Variants in DCAF8L2 observed in about 807,000 individuals in gnomAD.
DCAF8L2 encodes the protein DDB1 and CUL4 associated factor 8 like 2, also known as DDB1- and CUL4-associated factor 8-like protein 2.
For missense variants in DCAF8L2, 430 were observed against 490.7 expected (o/e 0.88, Z 1.17); for synonymous variants, 200 against 190.9 (o/e 1.05, Z -0.39).
chrX:27,523,838 A>C, the DCAF8L2 span, among the ~76,000 whole-genome samples: 21 of 110,307 alleles, frequency 1.9e-4, no homozygotes, highest in Admixed American at 1.4e-3. Context: ...TCATTGTTCA[A>C]TTCCCACCTA....
At chrX:27,475,772 C>T in the DCAF8L2 span, among the ~76,000 whole-genome samples, 6 of 111,966 alleles carry the variant, frequency 5.4e-5, no homozygotes, top group Non-Finnish European at 1.1e-4. Flanking sequence ...TGTTTAAATG[C>T]AAACCAACAC....
At chrX:27,514,689 A>C in the DCAF8L2 span, among the ~76,000 whole-genome samples, 1 of 77,880 alleles carries the variant, frequency 1.3e-5, no homozygotes, top group Admixed American at 1.3e-4. Context: ...AAAAAAAAAA[A>C]AAAAAACAAA....
chrX:27,720,351 C>T (rs1931851150), intron 4 of DCAF8L2, among the ~76,000 whole-genome samples: 1 of 110,639 alleles, frequency 9.0e-6, no homozygotes, highest in African/African-American at 3.4e-5. Flanking sequence ...GCTATTTCAG[C>T]TATTGTAGAT....
At position 27,747,240 on chromosome X, in the gene DCAF8L2, G is replaced by A. The variant is rs1172122872; in HGVS notation, c.345G>A (p.Glu115=). The A allele has an allele frequency of 1.7e-6, 2 of 1,153,257 alleles. No homozygotes were observed. The highest frequency in any genetic ancestry group is 2.3e-6 in the Non-Finnish European group (2 of 866,960). ...GAGAGGAGGAGACAGAAAGGGAGGA[G>A]GAAGACGAAGAGATACAAGAGGAGG... ...LVGEEETERE[E]EDEEIQEEGG... Residue 115 remains glutamate, a synonymous_variant, in exon 5 of 5, where the codon GAG becomes GAA. Transcript: ENST00000451261.
intron 2 of DCAF8L2, among the ~76,000 whole-genome samples, chrX:27,637,249 A>G (rs1331425905): frequency 8.9e-6 from 1 of 112,157 alleles, no homozygotes; most frequent in Non-Finnish European, 1.9e-5. Flanking sequence ...GTTATGTCCT[A>G]TGGAGTTCCT....
At chrX:27,628,752 C>A (rs6630531) in intron 1 of DCAF8L2, among the ~76,000 whole-genome samples, 1 of 109,630 alleles carries the variant, frequency 9.1e-6, no homozygotes, top group African/African-American at 3.3e-5. Context: ...TACAGGCGCC[C>A]GCCACCACGC....
Position 27,663,207 on chromosome X carries a change from T to C in DCAF8L2, c.-219-14629T>C, listed in dbSNP as rs190480615. ...GAAAGTAATGCAATTAAAGAAAATA[T>C]AACAACAACCAAAACTCATTAAAGG... On this transcript the variant is annotated intron_variant, in intron 2 of 4. Coordinates refer to ENST00000451261, the MANE Select transcript of DCAF8L2 (RefSeq NM_001353450.2). Among the ~76,000 whole-genome samples the C allele has an allele frequency of 6.2e-5, 7 of 112,222 alleles. No individual in the cohort carries two copies. In the East Asian group the frequency reaches 2.0e-3, roughly 31 times the overall value.
the DCAF8L2 span, among the ~76,000 whole-genome samples, chrX:27,479,680 T>C: frequency 0.021 from 2,324 of 112,106 alleles, 54 homozygotes; most frequent in African/African-American, 0.069. Flanking sequence ...AGAGGAAACA[T>C]AATTTTGAAT....
chrX:27,721,424 T>C (rs1291969612), intron 4 of DCAF8L2, among the ~76,000 whole-genome samples: 1 of 111,703 alleles, frequency 9.0e-6, no homozygotes, highest in Non-Finnish European at 1.9e-5. Context: ...TTTAAAGTCC[T>C]GAATATCGTA....
At chrX:27,514,194 A>G in the DCAF8L2 span, among the ~76,000 whole-genome samples, 1 of 82,359 alleles carries the variant, frequency 1.2e-5, no homozygotes, top group Admixed American at 1.2e-4. Flanking sequence ...ACCCGTGCAC[A>G]CATATGTACA....
chrX:27,579,266 A>G, the DCAF8L2 span, among the ~76,000 whole-genome samples: 1 of 111,525 alleles, frequency 9.0e-6, no homozygotes, highest in Non-Finnish European at 1.9e-5. Context: ...AGAGACATGG[A>G]TGGAGCTGGA....
At chrX:27,603,179 T>C (rs1474262430) in intron 1 of DCAF8L2, among the ~76,000 whole-genome samples, 1 of 111,956 alleles carries the variant, frequency 8.9e-6, no homozygotes, top group Non-Finnish European at 1.9e-5. Flanking sequence ...TTTAACTTTT[T>C]ATGTTATCAT....
At chrX:27,473,506 A>G in the DCAF8L2 span, among the ~76,000 whole-genome samples, 298 of 110,912 alleles carry the variant, frequency 2.7e-3, 2 homozygotes, top group Middle Eastern at 0.028. Context: ...GCAGGGTCAG[A>G]AAATGAGAGC....
chrX:27,612,211 T>TCATGTGTCTGTTGGCTG lies in DCAF8L2; in HGVS notation c.-341-19656_-341-19640dup, dbSNP rs1355322987. On this transcript the variant is annotated intron_variant, in intron 1 of 4. Transcript: ENST00000451261. ...ATGACCAGGGATGATGAGCATGTTT[T>TCATGTGTCTGTTGGCTG]CATGTGTCTGTTGGCTGCATGTGTC... Among the ~76,000 whole-genome samples the TCATGTGTCTGTTGGCTG allele has an allele frequency of 3.8e-4, 43 of 112,213 alleles. 1 individual carries two copies. The highest frequency in any genetic ancestry group is 9.4e-5 in the Non-Finnish European group (5 of 53,269).
chrX:27,514,234 C>A, the DCAF8L2 span, among the ~76,000 whole-genome samples: 1 of 93,594 alleles, frequency 1.1e-5, no homozygotes, highest in African/African-American at 3.5e-5. Flanking sequence ...TATATGTGTG[C>A]ATATGTACAC....
chrX:27,491,275 G>T, the DCAF8L2 span, among the ~76,000 whole-genome samples: 1 of 111,740 alleles, frequency 8.9e-6, no homozygotes, highest in Non-Finnish European at 1.9e-5. Context: ...GATCTATTTT[G>T]AATTAATATT....
intron 4 of DCAF8L2, among the ~76,000 whole-genome samples, chrX:27,746,098 C>A (rs1922146615): frequency 8.9e-6 from 1 of 111,901 alleles, no homozygotes; most frequent in South Asian, 3.7e-4. Context: ...GCCTTCATTA[C>A]ACTGAGGGTC....
intron 2 of DCAF8L2, among the ~76,000 whole-genome samples, chrX:27,665,266 C>T (rs928978257): frequency 2.3e-4 from 25 of 110,601 alleles, no homozygotes; most frequent in Admixed American, 1.8e-3. Flanking sequence ...TGATAGATGA[C>T]TTTGTGGGGT....
intron 1 of DCAF8L2, among the ~76,000 whole-genome samples, chrX:27,593,038 A>G (rs1483656063): frequency 9.0e-6 from 1 of 111,471 alleles, no homozygotes; most frequent in Admixed American, 9.5e-5. Context: ...ACCTCAGGTG[A>G]TCCACCTGCC....
Sources: gnomAD v4.1 joint callset for allele counts (sites outside exome capture counted in the v4.1 genomes callset) on GRCh38, gnomAD v4.1.1 for gene constraint, MANE v1.5 for transcripts, NCBI Gene and HGNC (gene_info 2026-07-23, HGNC 2026-07-21) for gene names.